The following CFAP77 variants were observed in gnomAD, a reference collection of about 807,000 sequenced individuals.
CFAP77 encodes the protein cilia and flagella associated protein 77, also known as cilia- and flagella-associated protein 77.
A neutral mutation model predicts 31.1 loss-of-function variants in CFAP77; 25 were observed. That is an observed-to-expected ratio of 0.80 (90% CI 0.59 to 1.12). CFAP77 has a LOEUF of 1.12. Among genes scored for constraint, CFAP77 ranks in the 50% most tolerant of loss-of-function variants. The pLI, the probability that CFAP77 is intolerant of heterozygous loss-of-function variation, is 0.00. For synonymous variants in CFAP77, 151 were observed against 159.9 expected, an observed-to-expected ratio of 0.94 and a Z score of 0.42; for missense variants, 377 against 397.3, an observed-to-expected ratio of 0.95 and a Z score of 0.44.
intron 1 of CFAP77, among the ~76,000 whole-genome samples, chr9:132,423,208 G>A (rs1850253821): frequency 6.6e-6 from 1 of 152,166 alleles, no homozygotes; most frequent in Non-Finnish European, 1.5e-5. Context: ...GCGCCTGTTG[G>A]GCGAACCTGA....
chr9:132,571,816 G>A (rs1032030304), intron 5 of CFAP77, among the ~76,000 whole-genome samples: 1 of 151,938 alleles, frequency 6.6e-6, no homozygotes, highest in African/African-American at 2.4e-5. Context: ...GAAAGGGCAG[G>A]CTGAGATACC....
chr9:132,478,347 G>A (rs1851385325), intron 1 of CFAP77, among the ~76,000 whole-genome samples: 8 of 152,062 alleles, frequency 5.3e-5, no homozygotes, highest in Admixed American at 5.2e-4. Flanking sequence ...TGCTTACCCT[G>A]CACGAGGCTC....
At chr9:132,426,153 T>C (rs1850308799) in intron 1 of CFAP77, among the ~76,000 whole-genome samples, 1 of 152,364 alleles carries the variant, frequency 6.6e-6, no homozygotes, top group South Asian at 2.1e-4. Flanking sequence ...CTGTTTTACA[T>C]GCTGCCACCC....
intron 5 of CFAP77, among the ~76,000 whole-genome samples, chr9:132,555,162 T>C (rs1852881814): frequency 6.6e-6 from 1 of 152,240 alleles, no homozygotes; most frequent in African/African-American, 2.4e-5. Flanking sequence ...GCTATCTAGC[T>C]GAGGACACTT....
intron 1 of CFAP77, among the ~76,000 whole-genome samples, chr9:132,456,407 C>T (rs1850914024): frequency 6.6e-6 from 1 of 152,162 alleles, no homozygotes; most frequent in African/African-American, 2.4e-5. Context: ...TCTTCATATT[C>T]CCTACGGCGC....
At chr9:132,559,284 G>C (rs556582372) in intron 5 of CFAP77, among the ~76,000 whole-genome samples, 1 of 142,130 alleles carries the variant, frequency 7.0e-6, no homozygotes, top group East Asian at 2.2e-4. Context: ...GGCGGAGGTT[G>C]CAGTGAGCCG....
At position 132,572,474 on chromosome 9, in the gene CFAP77, G is replaced by C. The variant is rs750431883; in HGVS notation, c.819G>C (p.Gln273His). 1 of 1,609,552 alleles carries C rather than the reference G, an allele frequency of 6.2e-7. No homozygotes were observed. Among genetic ancestry groups the C allele is most frequent in the Non-Finnish European group, 8.5e-7 (1 of 1,179,742 alleles). ...KAHREECAVR[Q>H]GTLRMGNYTH... is the part of the protein sequence containing the mutation. ...ACCGGGAAGAGTGTGCCGTGCGCCA[G>C]GGGACCCTGCGGATGGGCAACTACA... Residue 273 changes from glutamine to histidine, a missense_variant, in exon 6 of 6, where the codon CAG (glutamine) becomes CAC (histidine). Transcript: ENST00000393216.
In CFAP77 at chr9:132,481,645, G is replaced by A. The variant is rs368726475; in HGVS notation, c.196-17050G>A. Among the ~76,000 whole-genome samples, 148 of 152,294 alleles carry A rather than the reference G, an allele frequency of 9.7e-4. 3 individuals are homozygous for A. In the South Asian group the frequency reaches 0.029, roughly 30 times the overall value. On this transcript the variant is annotated intron_variant, in intron 1 of 5. Transcript: ENST00000393216. This position sits in a 1 kb window ranked among gnomAD's most constrained non-coding sequence, Gnocchi z 5.0. The stretch of plus-strand genomic sequence containing the variant: ...CAACCCCAGAGGCTGCGAAGAGGAG[G>A]GGGTGGGAGGACCCTGTCCTCCAGC...
chr9:132,526,425 G>A (rs1416762685), intron 3 of CFAP77, among the ~76,000 whole-genome samples: 1 of 151,658 alleles, frequency 6.6e-6, no homozygotes, highest in Non-Finnish European at 1.5e-5. Flanking sequence ...GTAGAGACGG[G>A]GTTTCACCGT....
chr9:132,458,342 C>CGGGGGGGGGG (rs1554738844), intron 1 of CFAP77, among the ~76,000 whole-genome samples: 7 of 71,218 alleles, frequency 9.8e-5, no homozygotes, highest in African/African-American at 3.3e-4. Flanking sequence ...GTCTCCCTGG[C>CGGGGGGGGGG]GGGGGAGGGG....
intron 1 of CFAP77, among the ~76,000 whole-genome samples, chr9:132,452,673 C>T (rs887556313): frequency 7.9e-5 from 12 of 152,086 alleles, no homozygotes; most frequent in Non-Finnish European, 1.2e-4. Flanking sequence ...ACTAGGACCT[C>T]GGTGGAAGCT....
chr9:132,433,972 A>C (rs1011987863), intron 1 of CFAP77, among the ~76,000 whole-genome samples: 7 of 67,846 alleles, frequency 1.0e-4, no homozygotes, highest in African/African-American at 3.4e-4. Context: ...CCCCATGTGT[A>C]AAAAAAAAAA....
rs554558843 is a variant in CFAP77 at position 132,501,661 on chromosome 9, C to T, written c.524+2061C>T. Among the ~76,000 whole-genome samples, 31 of 152,314 alleles carry T rather than the reference C, an allele frequency of 2.0e-4. No individual in the cohort carries two copies. The highest frequency in any genetic ancestry group is 7.5e-4 in the African/African-American group (31 of 41,578). On this transcript the variant is annotated intron_variant, in intron 3 of 5. Transcript: ENST00000393216. This position sits in a 1 kb window ranked among gnomAD's most constrained non-coding sequence, Gnocchi z 4.6. ...CAGGTGATCCACCCGCCTTGGCCTC[C>T]CAAAGTGCTAGGATGACAGGTGTGA...
intron 1 of CFAP77, among the ~76,000 whole-genome samples, chr9:132,494,899 C>T (rs1289491961): frequency 3.3e-5 from 5 of 152,134 alleles, no homozygotes; most frequent in African/African-American, 1.2e-4. Context: ...TTTGTAGTAA[C>T]TCTTTATATA....
At chr9:132,435,167 C>T (rs932338898) in intron 1 of CFAP77, among the ~76,000 whole-genome samples, 2 of 152,134 alleles carry the variant, frequency 1.3e-5, no homozygotes, top group African/African-American at 2.4e-5. Context: ...GGAGGGAATG[C>T]AACCCAGGCA....
chr9:132,541,484 G>C (rs1008383060), intron 4 of CFAP77, among the ~76,000 whole-genome samples: 3 of 152,206 alleles, frequency 2.0e-5, no homozygotes, highest in African/African-American at 4.8e-5. Context: ...AGCACTTTGG[G>C]AGGCCAAGGC....
intron 5 of CFAP77, among the ~76,000 whole-genome samples, chr9:132,555,014 TCATC>T (rs1385272446): frequency 3.9e-5 from 6 of 152,102 alleles, no homozygotes; most frequent in African/African-American, 1.2e-4. Flanking sequence ...ATCTGTTTGT[TCATC>T]CAACCATCCA....
At chr9:132,430,099 C>T (rs575397230) in intron 1 of CFAP77, among the ~76,000 whole-genome samples, 1 of 152,188 alleles carries the variant, frequency 6.6e-6, no homozygotes, top group South Asian at 2.1e-4. Context: ...TCATCTCCTA[C>T]ACTTATTTCT....
intron 3 of CFAP77, among the ~76,000 whole-genome samples, chr9:132,516,061 C>G (rs1454426783): frequency 1.3e-5 from 2 of 152,280 alleles, no homozygotes; most frequent in African/African-American, 4.8e-5. Context: ...GGGACTGCAG[C>G]AAACTGGGGC....
Sources: gnomAD v4.1 joint callset for allele counts (sites outside exome capture counted in the v4.1 genomes callset) on GRCh38, gnomAD v4.1.1 for gene constraint, Gnocchi (gnomAD v3.1) non-coding constraint, MANE v1.5 for transcripts, NCBI Gene and HGNC (gene_info 2026-07-23, HGNC 2026-07-21) for gene names.